The following AUTS2 variants were observed in gnomAD, a reference collection of about 807,000 sequenced individuals.
AUTS2 encodes the protein autism susceptibility gene 2 protein.
A neutral mutation model predicts 112.4 loss-of-function variants in AUTS2; 17 were observed. The ratio of observed to expected loss-of-function variants is 0.15; its 90% CI spans 0.10 to 0.23. The LOEUF (loss-of-function observed/expected upper bound fraction) is 0.23. AUTS2 is among the 10% of genes least tolerant of loss of function. The probability of loss-of-function intolerance (pLI) is 1.00; values close to 1 mark genes in which losing one functional copy is unlikely to be tolerated. For synonymous variants in AUTS2, 751 were observed against 702.7 expected (o/e 1.07, Z -1.09); for missense variants, 1,510 against 1,701.6 (o/e 0.89, Z 1.98).
chr7:69,758,979 T>C (rs1788053217), intron 1 of AUTS2, among the ~76,000 whole-genome samples: 2 of 152,142 alleles, frequency 1.3e-5, no homozygotes, highest in African/African-American at 2.4e-5. Context: ...AATAAATAAA[T>C]GTGGGTGAGG....
At chr7:69,732,223 G>C (rs957084336) in intron 1 of AUTS2, among the ~76,000 whole-genome samples, 1 of 152,058 alleles carries the variant, frequency 6.6e-6, no homozygotes, top group Non-Finnish European at 1.5e-5. Context: ...TACTGCTGCT[G>C]TCTCCCTCCC....
chr7:70,399,557 A>G (rs1219815664), intron 4 of AUTS2, among the ~76,000 whole-genome samples: 1 of 152,130 alleles, frequency 6.6e-6, no homozygotes. Context: ...TTGTTTTGCC[A>G]GTCTTTTATA....
chr7:70,227,958 T>A (rs1811852169), intron 4 of AUTS2, among the ~76,000 whole-genome samples: 1 of 152,082 alleles, frequency 6.6e-6, no homozygotes, highest in African/African-American at 2.4e-5. Context: ...TGGTCAAGTC[T>A]ACTATATTCT....
chr7:70,678,882 T>A (rs1808063047), intron 5 of AUTS2, among the ~76,000 whole-genome samples: 2 of 152,208 alleles, frequency 1.3e-5, no homozygotes, highest in Non-Finnish European at 1.5e-5. Flanking sequence ...CAGGACTTTT[T>A]AAATTCAAAG....
intron 4 of AUTS2, among the ~76,000 whole-genome samples, chr7:70,240,986 C>T (rs1463158289): frequency 6.6e-6 from 1 of 152,156 alleles, no homozygotes; most frequent in Non-Finnish European, 1.5e-5. Context: ...GTTGTTTGGA[C>T]ATATCTAACA....
chr7:70,452,880 C>G (rs1396421654), intron 5 of AUTS2, among the ~76,000 whole-genome samples: 1 of 152,128 alleles, frequency 6.6e-6, no homozygotes, highest in Non-Finnish European at 1.5e-5. Flanking sequence ...ATGTCCCCCT[C>G]CACCTAAGCT....
intron 1 of AUTS2, among the ~76,000 whole-genome samples, chr7:69,779,882 G>A (rs979037821): frequency 1.3e-4 from 19 of 151,914 alleles, no homozygotes; most frequent in Non-Finnish European, 2.8e-4. Flanking sequence ...TTCAGACAGG[G>A]TGTTGCTCTG....
intron 5 of AUTS2, among the ~76,000 whole-genome samples, chr7:70,570,816 C>T (rs1801907122): frequency 2.6e-5 from 4 of 152,212 alleles, no homozygotes; most frequent in Admixed American, 2.6e-4. Context: ...CTCTCTACCT[C>T]TTGTTGACTT....
At chr7:70,484,369 A>G (rs574389312) in intron 5 of AUTS2, among the ~76,000 whole-genome samples, 2 of 152,124 alleles carry the variant, frequency 1.3e-5, no homozygotes, top group Non-Finnish European at 2.9e-5. Context: ...GCTTTTCCAA[A>G]CTGACATCAT....
intron 2 of AUTS2, among the ~76,000 whole-genome samples, chr7:69,944,250 A>G (rs1021831987): frequency 9.2e-5 from 14 of 152,190 alleles, no homozygotes; most frequent in Admixed American, 7.2e-4. Context: ...CACCATATAT[A>G]GAGTCTGTAG....
intron 1 of AUTS2, among the ~76,000 whole-genome samples, chr7:69,875,335 A>G (rs1793683582): frequency 6.6e-6 from 1 of 152,220 alleles, no homozygotes; most frequent in South Asian, 2.1e-4. Context: ...TTCTGAAGAT[A>G]ATTGAGAAAA....
chr7:70,068,992 A>G (rs1802629174), intron 2 of AUTS2, among the ~76,000 whole-genome samples: 1 of 152,256 alleles, frequency 6.6e-6, no homozygotes, highest in Admixed American at 6.5e-5. Context: ...TGTCACTTGC[A>G]TCTTAATGCG....
At chr7:70,776,970 T>C in intron 13 of AUTS2, 133 bp from the exon 14 acceptor site, 1 of 781,112 alleles carries the variant, frequency 1.3e-6, no homozygotes, top group Non-Finnish European at 2.2e-6. Context: ...GGAAGGCACT[T>C]GGAGAGTACA....
chr7:70,460,663 G>A (rs990345292), intron 5 of AUTS2, among the ~76,000 whole-genome samples: 1 of 152,112 alleles, frequency 6.6e-6, no homozygotes, highest in Non-Finnish European at 1.5e-5. Flanking sequence ...CCTGGTCTTA[G>A]AGTGGGGTCA....
intron 1 of AUTS2, among the ~76,000 whole-genome samples, chr7:69,801,711 T>C (rs1041488161): frequency 6.6e-5 from 10 of 152,192 alleles, no homozygotes; most frequent in Admixed American, 6.5e-5. Context: ...TTGTTTGATA[T>C]ATGTCAGGCA....
chr7:70,283,504 A>G (rs1788317547), intron 4 of AUTS2, among the ~76,000 whole-genome samples: 1 of 152,166 alleles, frequency 6.6e-6, no homozygotes, highest in Non-Finnish European at 1.5e-5. Context: ...TAAAATGTAT[A>G]TCTTGGAATC....
At chr7:69,890,047 G>A (rs553257652) in intron 1 of AUTS2, among the ~76,000 whole-genome samples, 8 of 151,752 alleles carry the variant, frequency 5.3e-5, no homozygotes, top group East Asian at 3.9e-4. Flanking sequence ...TTTCCTTTTC[G>A]TCATGCTGTA....
intron 5 of AUTS2, among the ~76,000 whole-genome samples, chr7:70,438,150 C>G (rs921685287): frequency 3.9e-5 from 6 of 152,052 alleles, no homozygotes; most frequent in Non-Finnish European, 7.4e-5. Context: ...ACTGAGAGCA[C>G]CCCACCAGGT....
chr7:70,193,886 T>G (rs1810033889), intron 4 of AUTS2, among the ~76,000 whole-genome samples: 1 of 152,242 alleles, frequency 6.6e-6, no homozygotes, highest in Non-Finnish European at 1.5e-5. Flanking sequence ...ATTATTTTCC[T>G]GTATATTCTT....
Sources: allele counts gnomAD v4.1 joint callset (sites outside exome capture counted in the v4.1 genomes callset), GRCh38; gene constraint gnomAD v4.1.1; transcripts MANE v1.5; gene names NCBI Gene and HGNC (gene_info 2026-07-23, HGNC 2026-07-21).